The following CCSER1 variants were observed in gnomAD, a reference collection of about 807,000 sequenced individuals.
CCSER1 encodes coiled-coil serine rich protein 1.
CCSER1 carries 41 observed loss-of-function variants against 82.0 expected under a neutral mutation model. The ratio of observed to expected loss-of-function variants is 0.50; its 90% CI spans 0.39 to 0.65. The LOEUF (loss-of-function observed/expected upper bound fraction) is 0.65, where lower values mean the gene tolerates loss of function less well. Ranked by LOEUF, CCSER1 falls within the 30% of genes least tolerant of loss-of-function variation. The pLI is 0.00. For missense variants in CCSER1, 1,119 were observed against 1,064.2 expected, an observed-to-expected ratio of 1.05 and a Z score of -0.72; for synonymous variants, 414 against 383.9, an observed-to-expected ratio of 1.08 and a Z score of -0.92.
At chr4:90,596,836 A>T (rs1484719445) in intron 5 of CCSER1, among the ~76,000 whole-genome samples, 1 of 151,962 alleles carries the variant, frequency 6.6e-6, no homozygotes, top group African/African-American at 2.4e-5. Flanking sequence ...CATGATTTTT[A>T]AAAATTTCAA....
chr4:90,481,305 G>T lies in CCSER1; in HGVS notation c.1724+12951G>T, dbSNP rs559558749. The stretch of plus-strand genomic sequence containing the variant: ...TGGGGTTTTCTAGATATACAATCAT[G>T]TCATCTGCAAACAGGGACAATTTGA... On this transcript the variant is annotated intron_variant, in intron 5 of 10. Transcript: ENST00000509176. 1.2e-4 allele frequency among the ~76,000 whole-genome samples: 18 copies of T among 152,282 alleles called. No homozygotes were observed. The East Asian group carries it at 3.5e-3, about 29-fold the overall frequency.
chr4:90,146,843 A>G (rs1040525650), intron 1 of CCSER1, among the ~76,000 whole-genome samples: 1 of 152,086 alleles, frequency 6.6e-6, no homozygotes, highest in Non-Finnish European at 1.5e-5. Flanking sequence ...ATCAGTATCA[A>G]TGCTGCTAAT....
At chr4:90,600,548 A>G (rs1783911537) in intron 5 of CCSER1, among the ~76,000 whole-genome samples, 1 of 152,022 alleles carries the variant, frequency 6.6e-6, no homozygotes, top group African/African-American at 2.4e-5. Flanking sequence ...CTCTCTCTAT[A>G]TTTTGGATAC....
intron 6 of CCSER1, among the ~76,000 whole-genome samples, chr4:90,673,111 T>C (rs958230198): frequency 4.6e-5 from 7 of 151,968 alleles, no homozygotes; most frequent in South Asian, 2.1e-4. Flanking sequence ...CCCAATAGAT[T>C]TGCTGGAAAC....
intron 9 of CCSER1, among the ~76,000 whole-genome samples, chr4:90,969,528 A>G (rs1247070689): frequency 6.6e-6 from 1 of 151,916 alleles, no homozygotes; most frequent in Non-Finnish European, 1.5e-5. Flanking sequence ...AAAGACTGCC[A>G]ACCAAGATAC....
chr4:91,314,645 C>T (rs1459200171), intron 10 of CCSER1, among the ~76,000 whole-genome samples: 1 of 151,954 alleles, frequency 6.6e-6, no homozygotes, highest in Non-Finnish European at 1.5e-5. Context: ...GCTTTCTCCT[C>T]TGTATATACT....
intron 7 of CCSER1, among the ~76,000 whole-genome samples, chr4:90,792,365 T>C (rs1451096356): frequency 6.6e-6 from 1 of 152,216 alleles, no homozygotes; most frequent in African/African-American, 2.4e-5. Context: ...TTTACTCTCC[T>C]TTGTTATCAT....
rs965478773 is a variant in CCSER1 at position 90,828,457 on chromosome 4, A to C, written c.2094+12612A>C. ...CACTAAATCCAAACAGCATGATTTC[A>C]TCATGTCTTCTGATTAAATATTTTA... is the stretch of plus-strand genomic sequence containing the variant. On this transcript the variant is annotated intron_variant, in intron 8 of 10. Transcript: ENST00000509176. 3.3e-5 allele frequency among the ~76,000 whole-genome samples: 5 copies of C among 152,292 alleles called. No homozygotes were observed. The South Asian group carries it at 6.2e-4, about 19-fold the overall frequency.
intron 8 of CCSER1, among the ~76,000 whole-genome samples, chr4:90,819,890 A>C (rs1013340033): frequency 6.6e-6 from 1 of 152,218 alleles, no homozygotes; most frequent in African/African-American, 2.4e-5. Flanking sequence ...AAATGTTAGA[A>C]TATTACAGTG....
At chr4:91,257,378 A>G (rs1489261363) in intron 10 of CCSER1, among the ~76,000 whole-genome samples, 1 of 152,030 alleles carries the variant, frequency 6.6e-6, no homozygotes, top group Admixed American at 6.6e-5. Context: ...ATATCAAGCT[A>G]AACTCAACAT....
intron 10 of CCSER1, among the ~76,000 whole-genome samples, chr4:91,389,619 A>G (rs1356019669): frequency 1.3e-5 from 2 of 151,740 alleles, no homozygotes; most frequent in African/African-American, 4.8e-5. Context: ...CGACAAAACA[A>G]CTTGCTGAGA....
At chr4:91,291,250 A>G (rs1578129540) in intron 10 of CCSER1, among the ~76,000 whole-genome samples, 1 of 152,122 alleles carries the variant, frequency 6.6e-6, no homozygotes, top group Admixed American at 6.6e-5. Context: ...GAAGAAATGT[A>G]TTAGTAAATA....
intron 10 of CCSER1, among the ~76,000 whole-genome samples, chr4:91,120,347 G>C (rs574935720): frequency 2.0e-5 from 3 of 152,008 alleles, no homozygotes; most frequent in Non-Finnish European, 4.4e-5. Flanking sequence ...TAATTACGTG[G>C]TCTTATATCA....
chr4:90,763,483 A>T (rs555644524), intron 7 of CCSER1, among the ~76,000 whole-genome samples: 138 of 152,312 alleles, frequency 9.1e-4, no homozygotes, highest in Non-Finnish European at 1.4e-3. Context: ...GATGGTAGGA[A>T]GTATAACTTC....
At chr4:91,322,523 C>G (rs1746266550) in intron 10 of CCSER1, among the ~76,000 whole-genome samples, 1 of 151,972 alleles carries the variant, frequency 6.6e-6, no homozygotes, top group African/African-American at 2.4e-5. Context: ...GGGTGAATTC[C>G]AAGTCTTGTT....
At chr4:91,058,628 A>C (rs933183042) in intron 9 of CCSER1, among the ~76,000 whole-genome samples, 2 of 152,082 alleles carry the variant, frequency 1.3e-5, no homozygotes, top group Non-Finnish European at 2.9e-5. Flanking sequence ...TTATCCTCCT[A>C]CTATTACTCA....
chr4:90,725,522 G>C (rs1016266266), intron 7 of CCSER1, among the ~76,000 whole-genome samples: 3 of 151,298 alleles, frequency 2.0e-5, no homozygotes, highest in African/African-American at 7.3e-5. Flanking sequence ...TTTGTGAAAG[G>C]AATATTGCCT....
At chr4:90,490,708 A>G (rs1211974989) in intron 5 of CCSER1, among the ~76,000 whole-genome samples, 2 of 152,176 alleles carry the variant, frequency 1.3e-5, no homozygotes, top group African/African-American at 4.8e-5. Context: ...ATAAGGTTTA[A>G]GGAAGGGATC....
At chr4:90,901,031 A>T (rs1724564501) in intron 8 of CCSER1, among the ~76,000 whole-genome samples, 1 of 151,956 alleles carries the variant, frequency 6.6e-6, no homozygotes, top group African/African-American at 2.4e-5. Flanking sequence ...TTAGCATCAC[A>T]TAATGCTCTA....
Sources: allele counts gnomAD v4.1 joint callset (sites outside exome capture counted in the v4.1 genomes callset), GRCh38; gene constraint gnomAD v4.1.1; transcripts MANE v1.5; gene names NCBI Gene and HGNC (gene_info 2026-07-23, HGNC 2026-07-21).